The following NELL1 variants were observed in gnomAD, a reference collection of about 807,000 sequenced individuals.
NELL1 encodes neural EGFL like 1, also known as protein kinase C-binding protein NELL1.
A neutral mutation model predicts 107.4 loss-of-function variants in NELL1; 76 were observed. The ratio of observed to expected loss-of-function variants is 0.71; its 90% confidence interval spans 0.59 to 0.86. NELL1 has a LOEUF of 0.86. NELL1 is among the 40% of genes least tolerant of loss of function. The probability of loss-of-function intolerance (pLI) is 0.00; values close to 1 mark genes in which losing one functional copy is unlikely to be tolerated. For missense variants in NELL1, 1,024 were observed against 1,005.5 expected (o/e 1.02, Z -0.25); for synonymous variants, 353 against 341.2 (o/e 1.03, Z -0.38).
intron 13 of NELL1, among the ~76,000 whole-genome samples, chr11:21,125,832 A>G (rs1364373238): frequency 6.6e-6 from 1 of 152,228 alleles, no homozygotes. Context: ...TTACCTGTGT[A>G]GAAATGGAAA....
chr11:20,980,668 A>G (rs571149056), intron 12 of NELL1, among the ~76,000 whole-genome samples: 11 of 152,314 alleles, frequency 7.2e-5, no homozygotes, highest in African/African-American at 2.6e-4. Context: ...TTGCATATCA[A>G]TTTATCTCTA....
chr11:20,991,993 A>T (rs80087864), intron 12 of NELL1, among the ~76,000 whole-genome samples: 4 of 33,186 alleles, frequency 1.2e-4, no homozygotes, highest in Non-Finnish European at 5.5e-4. Context: ...GTAGCATGCA[A>T]AAAAAAAAAA....
At chr11:20,697,033 A>T (rs1659121277) in intron 2 of NELL1, among the ~76,000 whole-genome samples, 1 of 152,150 alleles carries the variant, frequency 6.6e-6, no homozygotes, top group Admixed American at 6.6e-5. Flanking sequence ...ACATCCAGTT[A>T]GGTTTCAGTT....
intron 12 of NELL1, among the ~76,000 whole-genome samples, chr11:21,040,101 C>G (rs1185750294): frequency 6.7e-6 from 1 of 150,200 alleles, no homozygotes. Flanking sequence ...TTTTTCCCGG[C>G]TTTTTTTTTC....
At chr11:21,351,999 TC>T (rs1850828399) in intron 14 of NELL1, among the ~76,000 whole-genome samples, 1 of 152,156 alleles carries the variant, frequency 6.6e-6, no homozygotes, top group African/African-American at 2.4e-5. Flanking sequence ...AGCCTCTGAC[TC>T]ACTTGGCCTT....
chr11:21,016,651 A>G (rs1321963603), intron 12 of NELL1, among the ~76,000 whole-genome samples: 2 of 152,092 alleles, frequency 1.3e-5, no homozygotes, highest in Non-Finnish European at 2.9e-5. Flanking sequence ...CCTATGCTAC[A>G]TGCAGGTTAC....
At chr11:21,098,272 G>A (rs1405216148) in intron 12 of NELL1, among the ~76,000 whole-genome samples, 2 of 152,076 alleles carry the variant, frequency 1.3e-5, no homozygotes, top group African/African-American at 4.8e-5. Flanking sequence ...GACATCTTGT[G>A]TCACGACCTT....
intron 2 of NELL1, among the ~76,000 whole-genome samples, chr11:20,752,174 G>A (rs567008159): frequency 5.4e-5 from 8 of 149,024 alleles, no homozygotes; most frequent in Non-Finnish European, 1.2e-4. Flanking sequence ...CATCAAGTCT[G>A]ATGTTACCTG....
chr11:21,173,380 C>T (rs912745814), intron 13 of NELL1, among the ~76,000 whole-genome samples: 1 of 151,862 alleles, frequency 6.6e-6, no homozygotes, highest in Admixed American at 6.6e-5. Flanking sequence ...ACAGGGCTAT[C>T]AGATTTACCA....
At chr11:20,710,185 G>A (rs757950093) in intron 2 of NELL1, among the ~76,000 whole-genome samples, 5 of 152,166 alleles carry the variant, frequency 3.3e-5, no homozygotes, top group African/African-American at 4.8e-5. Flanking sequence ...TAGGTGGTGG[G>A]TTTGTCATAG....
chr11:20,918,265 A>G lies in NELL1; in HGVS notation c.676+11A>G, dbSNP rs1012901996. ...CAAATCTAAATCACAGTAAGTAGCA[A>G]CTTAAAGCATTGTGATATATTATAT... is the stretch of plus-strand genomic sequence containing the variant. On this transcript the variant is annotated intron_variant, in intron 6 of 19. Transcript: ENST00000357134. 2.0e-6 allele frequency: 3 copies of G among 1,465,970 alleles called. No individual in the cohort carries two copies. In the African/African-American group the frequency reaches 4.2e-5, roughly 21 times the overall value. 90.8% of individuals were successfully genotyped at this position (1,465,970 alleles called of 1,614,324 possible). A position where few individuals can be genotyped will look rare whatever the true frequency, so the allele number is the denominator to read the frequency against.
chr11:20,731,064 C>T (rs1046879206), intron 2 of NELL1, among the ~76,000 whole-genome samples: 3 of 135,826 alleles, frequency 2.2e-5, no homozygotes, highest in East Asian at 2.3e-4. Flanking sequence ...GAGAGTTAAT[C>T]GGTATGTATG....
intron 3 of NELL1, among the ~76,000 whole-genome samples, chr11:20,799,145 A>T (rs1327664760): frequency 1.3e-5 from 2 of 152,246 alleles, no homozygotes; most frequent in Non-Finnish European, 2.9e-5. Context: ...TGAGTGTCCC[A>T]GATAGCTGAG....
chr11:21,166,177 A>T (rs1856477403), intron 13 of NELL1, among the ~76,000 whole-genome samples: 1 of 151,764 alleles, frequency 6.6e-6, no homozygotes, highest in South Asian at 2.1e-4. Flanking sequence ...TAAACATTAA[A>T]ACAAGTGAAC....
At chr11:21,188,682 T>C (rs1856985129) in intron 13 of NELL1, among the ~76,000 whole-genome samples, 1 of 151,868 alleles carries the variant, frequency 6.6e-6, no homozygotes. Flanking sequence ...AAAGAACAGA[T>C]GTGCAAATTA....
chr11:21,171,163 T>C (rs1464793945), intron 13 of NELL1, among the ~76,000 whole-genome samples: 2 of 151,864 alleles, frequency 1.3e-5, no homozygotes, highest in African/African-American at 2.4e-5. Context: ...GCTGACATAA[T>C]GATTTCACTA....
chr11:21,000,028 A>G, intron 12 of NELL1, among the ~76,000 whole-genome samples: 1 of 152,094 alleles, frequency 6.6e-6, no homozygotes, highest in East Asian at 1.9e-4. Context: ...CTAATAGATG[A>G]TGTTCCTCAG....
chr11:20,677,580 G>T (rs984808828), intron 1 of NELL1, among the ~76,000 whole-genome samples: 3 of 152,120 alleles, frequency 2.0e-5, no homozygotes, highest in African/African-American at 7.2e-5. Context: ...TGATTATGGG[G>T]TTCTGAGTTA....
At chr11:20,771,022 G>A (rs1440374010) in intron 2 of NELL1, 4 of 141,226 alleles carry the variant, frequency 2.8e-5, no homozygotes, top group East Asian at 5.1e-4. Flanking sequence ...GCTTCCCCCC[G>A]GCTCTCTCCT....
Sources: allele counts gnomAD v4.1 joint callset (sites outside exome capture counted in the v4.1 genomes callset), GRCh38; gene constraint gnomAD v4.1.1; transcripts MANE v1.5; gene names NCBI Gene and HGNC (gene_info 2026-07-23, HGNC 2026-07-21).